The following AMZ1 variants were observed in gnomAD, a reference collection of about 807,000 sequenced individuals.
The protein encoded by AMZ1 is archaemetzincin-1.
Under a neutral mutation model 29.9 loss-of-function variants are expected in AMZ1, and 39 were observed. The observed-to-expected ratio is 1.30, with a 90% CI of 1.01 to 1.70. AMZ1 has a LOEUF of 1.70. Ranked by LOEUF, AMZ1 falls within the 40% of genes most tolerant of loss-of-function variation. AMZ1 has a pLI of 0.00. For synonymous variants in AMZ1, 458 were observed against 304.0 expected (o/e 1.51, Z -5.27); for missense variants, 1,041 against 680.6 (o/e 1.53, Z -5.89).
intron 4 of AMZ1, among the ~76,000 whole-genome samples, chr7:2,745,874 T>A (rs1033234028): frequency 4.0e-5 from 6 of 148,922 alleles, no homozygotes; most frequent in African/African-American, 1.6e-4. Context: ...GCAATCCTAG[T>A]CTCTGATAAA....
Position 2,749,221 on chromosome 7 carries a change from T to C in AMZ1, n.551-15491T>C, listed in dbSNP as rs558178568. ...AAAGACACATGCACACGTGTGTTTA[T>C]TGCGGCACTATTCACAATAGCAAAG... On this transcript the variant is annotated intron_variant and non_coding_transcript_variant, in intron 4 of 4. Coordinates refer to the AMZ1 transcript ENST00000489665. Among the ~76,000 whole-genome samples the C allele has an allele frequency of 5.9e-3, 905 of 152,324 alleles. 7 individuals carry two copies. Among genetic ancestry groups the C allele is most frequent in the African/African-American group, 0.02 (830 of 41,560 alleles).
rs2115197815 is a variant in AMZ1 at position 2,713,951 on chromosome 7, A to G, written c.*1073A>G. On this transcript the variant is annotated 3_prime_UTR_variant, in exon 7 of 7. Transcript: ENST00000683327. ...GTCTAGTTCTGTCAGTTGCTGAGAG[A>G]GGGGTATTATTGCCATGGCTGGGCG... is the stretch of plus-strand genomic sequence containing the variant. 1 of 151,638 alleles carries G rather than the reference A, an allele frequency of 6.6e-6. No homozygotes were observed. The highest frequency in any genetic ancestry group is 6.6e-5 in the Admixed American group (1 of 15,222). The allele number at this position is 151,638 out of a possible 1,614,324, so 9.4% of individuals were successfully genotyped here.
intron 3 of AMZ1, among the ~76,000 whole-genome samples, chr7:2,704,721 C>G (rs1013516280): frequency 1.3e-5 from 2 of 151,622 alleles, no homozygotes; most frequent in Non-Finnish European, 1.5e-5. Flanking sequence ...GTCAGCCTCC[C>G]GAGTAGCTGG....
chr7:2,707,878 C>T (rs958503469), intron 3 of AMZ1, among the ~76,000 whole-genome samples: 4 of 133,220 alleles, frequency 3.0e-5, no homozygotes, highest in East Asian at 2.2e-4. Flanking sequence ...GGCTAGAGGG[C>T]AGTGGCGTGA....
downstream of AMZ1, among the ~76,000 whole-genome samples, chr7:2,724,511 C>T (rs536108061): frequency 2.0e-5 from 3 of 152,334 alleles, no homozygotes; most frequent in East Asian, 1.9e-4. Context: ...GCCCTTCCAC[C>T]GACCATGGCC....
intron 1 of AMZ1, among the ~76,000 whole-genome samples, chr7:2,692,643 G>A (rs1787469945): frequency 6.6e-6 from 1 of 152,144 alleles, no homozygotes; most frequent in East Asian, 1.9e-4. Context: ...CTCTTCCGTA[G>A]CGAGGTCCCC....
chr7:2,708,655 G>T lies in AMZ1; in HGVS notation c.540G>T (p.Leu180=), dbSNP rs1788524804. Residue 180 remains leucine (L), a synonymous_variant, in exon 4 of 7, where the codon CTG becomes CTT. Transcript: ENST00000683327. ...GDALCVLGLT[L]SDLYPHEAWS... ...CGCTGTGTGTGCTGGGCCTCACACT[G>T]TCTGACCTGTACCCCCATGAGGCCT... 2 of 1,613,114 alleles carry T rather than the reference G, an allele frequency of 1.2e-6. No individual in the cohort carries two copies. The highest frequency in any genetic ancestry group is 2.7e-5 in the African/African-American group (2 of 74,908).
chr7:2,762,508 CTG>C, upstream of AMZ1: 1 of 942,516 alleles, frequency 1.1e-6, no homozygotes, highest in Non-Finnish European at 1.5e-6. Flanking sequence ...AGTAGCCTAA[CTG>C]TGGACTACAA....
chr7:2,761,528 G>C (rs1045831397), upstream of AMZ1, among the ~76,000 whole-genome samples: 1 of 152,182 alleles, frequency 6.6e-6, no homozygotes, highest in African/African-American at 2.4e-5. Context: ...AAAAGAGCTG[G>C]AACGGACAGC....
In AMZ1 at chr7:2,712,374, C is replaced by A. The variant is rs775892447; in HGVS notation, c.993C>A (p.Ser331Arg). Residue 331 changes from serine (S) to arginine (R), a missense_variant, in exon 7 of 7, where the codon AGC (serine) becomes AGA (arginine). Transcript: ENST00000683327. The part of the protein sequence containing the change: ...WTQAVVGTWP[S>R]QEAGEPSVWE... ...AGGCGGTGGTGGGGACGTGGCCCAG[C>A]CAGGAGGCGGGGGAGCCGTCAGTGT... 1.2e-6 allele frequency: 2 copies of A among 1,605,508 alleles called. No homozygotes were observed. The highest frequency in any genetic ancestry group is 1.7e-6 in the Non-Finnish European group (2 of 1,175,934).
Position 2,700,618 on chromosome 7 carries a change from G to A in AMZ1, c.167G>A (p.Cys56Tyr), listed in dbSNP as rs1351950632. The change falls in exon 2 of 7, where the codon TGC becomes TAC. Residue 56 changes from cysteine (C) to tyrosine (Y), a missense_variant. Physicochemically the swap from Cys to Tyr is radical, Grantham distance 194. Coordinates refer to ENST00000683327, the MANE Select transcript of AMZ1 (RefSeq NM_001384743.1). ...TACAACCCGCAGAGGACGCTCTTCT[G>A]CACCCTGCTCATCCGCACGGGCTTC... ...EAYNPQRTLFCTLLIRTGFDW... is the reference protein window; with the variant it reads ...EAYNPQRTLFYTLLIRTGFDW... 1.2e-6 allele frequency: 2 copies of A among 1,610,708 alleles called. No individual in the cohort carries two copies. Among genetic ancestry groups the A allele is most frequent in the African/African-American group, 2.7e-5 (2 of 74,922 alleles).
chr7:2,700,794 A>G, intron 2 of AMZ1, 39 bp downstream of exon 2: 1 of 1,597,560 alleles, frequency 6.3e-7, no homozygotes, highest in South Asian at 1.1e-5. Flanking sequence ...CTCCTGGGGG[A>G]CCAGCTTATA....
At position 2,717,742 on chromosome 7, in the gene AMZ1, T is replaced by C. The variant is rs35869730; in HGVS notation, c.*4864T>C. ...ACGGCCGGCCGAGCCTTCCCTTTTCTGACATCCTACAGCAGCACCTTGATG... is the reference window on the plus strand; with the variant it reads ...ACGGCCGGCCGAGCCTTCCCTTTTCCGACATCCTACAGCAGCACCTTGATG... On this transcript the variant is annotated 3_prime_UTR_variant, in exon 7 of 7. Transcript: ENST00000683327. Among the ~76,000 whole-genome samples, 395 of 152,290 alleles carry C rather than the reference T, an allele frequency of 2.6e-3. 3 individuals are homozygous for C. Among genetic ancestry groups the C allele is most frequent in the Non-Finnish European group, 3.1e-3 (210 of 68,030 alleles).
At chr7:2,707,386 G>C (rs798569) in intron 3 of AMZ1, among the ~76,000 whole-genome samples, 59,984 of 151,760 alleles carry the variant, frequency 0.4, 12,560 homozygotes, top group African/African-American at 0.54. Context: ...CCTCTGTGCC[G>C]CAACCCCTCT....
At position 2,718,730 on chromosome 7, in the gene AMZ1, C is replaced by A. The variant is rs559173730; in HGVS notation, c.*5852C>A. ...TCTAACAGGACAGGGCTTGTGCAGC[C>A]GGGCTTGGTCTTGTGGTCAGGGAGA... is the stretch of plus-strand genomic sequence containing the variant. On this transcript the variant is annotated 3_prime_UTR_variant, in exon 7 of 7. Coordinates refer to ENST00000683327, the MANE Select transcript of AMZ1 (RefSeq NM_001384743.1). Among the ~76,000 whole-genome samples, 1 of 152,216 alleles carries A rather than the reference C, an allele frequency of 6.6e-6. No homozygotes were observed. Among genetic ancestry groups the A allele is most frequent in the African/African-American group, 2.4e-5 (1 of 41,448 alleles).
rs1788882301 is a variant in AMZ1 at position 2,712,784 on chromosome 7, G to A, written c.1403G>A (p.Gly468Glu). 1 of 1,574,088 alleles carries A rather than the reference G, an allele frequency of 6.4e-7. No individual in the cohort carries two copies. Among genetic ancestry groups the A allele is most frequent in the Non-Finnish European group, 8.6e-7 (1 of 1,157,874 alleles). Reference sequence around the variant, plus strand: ...AGCGTGGGGCTGCGCAAGGTGCTGGGGGACAAGTTCTCCTCCCTGAGGAGG... The same window carrying A: ...AGCGTGGGGCTGCGCAAGGTGCTGGAGGACAAGTTCTCCTCCCTGAGGAGG... Reference protein sequence around the residue: ...RDSVGLRKVLGDKFSSLRRKL... With the variant: ...RDSVGLRKVLEDKFSSLRRKL... The change falls in exon 7 of 7, where the codon GGG (glycine) becomes GAG (glutamate). Residue 468 changes from glycine (G) to glutamate (E), a missense_variant. Coordinates refer to ENST00000683327, the MANE Select transcript of AMZ1 (RefSeq NM_001384743.1).
Position 2,737,581 on chromosome 7 carries a change from G to A in AMZ1, n.551-27131G>A, listed in dbSNP as rs113384620. Among the ~76,000 whole-genome samples the A allele has an allele frequency of 8.3e-3, 1,258 of 152,176 alleles. 17 individuals carry two copies. The highest frequency in any genetic ancestry group is 0.028 in the African/African-American group (1,156 of 41,532). Reference sequence around the variant, plus strand: ...TGGGATTACAGGCGTGAGCCACAGCGCCCGGCCCTGTCTTACAGTTTCTGC... The same window carrying A: ...TGGGATTACAGGCGTGAGCCACAGCACCCGGCCCTGTCTTACAGTTTCTGC... On this transcript the variant is annotated intron_variant and non_coding_transcript_variant, in intron 4 of 4. Coordinates refer to the AMZ1 transcript ENST00000489665.
upstream of AMZ1, among the ~76,000 whole-genome samples, chr7:2,685,426 C>G (rs556424680): frequency 6.6e-6 from 1 of 151,654 alleles, no homozygotes; most frequent in Non-Finnish European, 1.5e-5. Flanking sequence ...GGCGAGGTGA[C>G]GGGCACCTGT....
downstream of AMZ1, among the ~76,000 whole-genome samples, chr7:2,720,670 G>T (rs941217393): frequency 1.3e-5 from 2 of 151,782 alleles, no homozygotes; most frequent in African/African-American, 4.8e-5. Context: ...CAAAATGCTG[G>T]GATTATAGGT....
Sources: allele counts gnomAD v4.1 joint callset (sites outside exome capture counted in the v4.1 genomes callset), GRCh38; gene constraint gnomAD v4.1.1; transcripts MANE v1.5; gene names NCBI Gene and HGNC (gene_info 2026-07-23, HGNC 2026-07-21).